Variants in EDA observed in about 807,000 individuals in gnomAD.
EDA encodes the protein ectodysplasin A, also known as ectodysplasin-A.
A neutral mutation model predicts 23.6 loss-of-function variants in EDA; 2 were observed. The ratio of observed to expected loss-of-function variants is 0.08; its 90% CI spans 0.03 to 0.27. The LOEUF (loss-of-function observed/expected upper bound fraction) is 0.27, where lower values mean the gene tolerates loss of function less well. Among genes scored for constraint, EDA ranks in the 10% least tolerant of loss-of-function variants. EDA has a pLI of 1.00. For synonymous variants in EDA, 131 were observed against 132.0 expected, an observed-to-expected ratio of 0.99 and a Z score of 0.05; for missense variants, 229 against 324.2, an observed-to-expected ratio of 0.71 and a Z score of 2.26.
intron 3 of EDA, among the ~76,000 whole-genome samples, chrX:70,025,680 TAA>T (rs1006109131): frequency 8.9e-6 from 1 of 112,322 alleles, no homozygotes; most frequent in Non-Finnish European, 1.9e-5. Context: ...GGGCTCTGAA[TAA>T]GCCTGATTTG....
At chrX:69,768,110 C>T (rs2014523650) in intron 1 of EDA, among the ~76,000 whole-genome samples, 1 of 111,263 alleles carries the variant, frequency 9.0e-6, no homozygotes, top group Non-Finnish European at 1.9e-5. Context: ...GTCACATATA[C>T]GTTCTGTTAA....
At chrX:69,784,563 G>T (rs1156710200) in intron 1 of EDA, among the ~76,000 whole-genome samples, 4 of 101,363 alleles carry the variant, frequency 3.9e-5, no homozygotes, top group African/African-American at 1.4e-4. Flanking sequence ...TTTCCCCATT[G>T]CTTGTTTTTC....
chrX:69,896,162 G>A (rs192508310), intron 1 of EDA, among the ~76,000 whole-genome samples: 3 of 111,012 alleles, frequency 2.7e-5, no homozygotes, highest in Non-Finnish European at 5.7e-5. Flanking sequence ...CTGTGAGCAC[G>A]CATTTCTGAT....
At chrX:70,012,364 G>A (rs934000357) in intron 2 of EDA, among the ~76,000 whole-genome samples, 1 of 112,035 alleles carries the variant, frequency 8.9e-6, no homozygotes, top group African/African-American at 3.2e-5. Flanking sequence ...AGATGCTCGC[G>A]TCTAGTATGG....
intron 1 of EDA, among the ~76,000 whole-genome samples, chrX:69,836,699 G>A (rs1005168657): frequency 2.7e-4 from 30 of 112,410 alleles, no homozygotes; most frequent in African/African-American, 3.9e-4. Flanking sequence ...CAGTTGAGGC[G>A]ATGCCATGCC....
chrX:69,637,141 G>A (rs914249374), intron 1 of EDA, among the ~76,000 whole-genome samples: 7 of 111,764 alleles, frequency 6.3e-5, no homozygotes, highest in Non-Finnish European at 1.1e-4. Context: ...ATGGAGATGG[G>A]AAGAAATACA....
intron 1 of EDA, among the ~76,000 whole-genome samples, chrX:69,794,521 C>T: frequency 8.9e-6 from 1 of 112,256 alleles, no homozygotes; most frequent in Non-Finnish European, 1.9e-5. Flanking sequence ...ACTGATACAA[C>T]ACTATTAACT....
intron 1 of EDA, among the ~76,000 whole-genome samples, chrX:69,649,589 CT>C (rs34800169): frequency 0.042 from 4,182 of 98,473 alleles, 113 homozygotes; most frequent in East Asian, 0.15. Context: ...GAAATACAGT[CT>C]TTTTTTTTTT....
chrX:69,923,121 A>G (rs903985394), intron 1 of EDA, among the ~76,000 whole-genome samples: 4 of 111,701 alleles, frequency 3.6e-5, no homozygotes, highest in Non-Finnish European at 7.5e-5. Flanking sequence ...TAGCGGATAA[A>G]TGATTTCTTT....
intron 1 of EDA, among the ~76,000 whole-genome samples, chrX:69,682,366 T>G (rs1213898525): frequency 8.9e-6 from 1 of 112,677 alleles, no homozygotes; most frequent in East Asian, 2.8e-4. Context: ...GAGCTTCCAG[T>G]CTGCTTTGTT....
intron 1 of EDA, chrX:69,670,388 G>T (rs1933849414): frequency 1.0e-5 from 3 of 296,821 alleles, no homozygotes; most frequent in South Asian, 2.0e-4. Flanking sequence ...GGGCCCCTTT[G>T]GGTAGTAACT....
chrX:69,683,112 A>G (rs1363698847), intron 1 of EDA, among the ~76,000 whole-genome samples: 1 of 111,207 alleles, frequency 9.0e-6, no homozygotes, highest in Non-Finnish European at 1.9e-5. Context: ...AGGTGTTTTG[A>G]GGATTAAAGG....
intron 2 of EDA, among the ~76,000 whole-genome samples, chrX:70,008,061 C>G (rs2019826320): frequency 8.9e-6 from 1 of 111,832 alleles, no homozygotes; most frequent in Non-Finnish European, 1.9e-5. Context: ...AATCTGTGAA[C>G]AAAGACAGTT....
chrX:69,879,401 C>CT (rs1367634830), intron 1 of EDA, among the ~76,000 whole-genome samples: 6 of 111,686 alleles, frequency 5.4e-5, no homozygotes, highest in Non-Finnish European at 9.4e-5. Flanking sequence ...CTCATCACTA[C>CT]TTTATCTGCG....
chrX:70,037,292 G>A lies in EDA; in HGVS notation c.*1683G>A, dbSNP rs1378497870. ...AACCACACTGCTTGGCCCTTCAAGG[G>A]TCAGGGTGAGACGTGATGGGCTAGG... On this transcript the variant is annotated 3_prime_UTR_variant, in exon 8 of 8. Coordinates refer to ENST00000374552, the MANE Select transcript of EDA (RefSeq NM_001399.5). 1.8e-5 allele frequency: 2 copies of A among 111,725 alleles called. No homozygotes were observed. Among genetic ancestry groups the A allele is most frequent in the Non-Finnish European group, 3.8e-5 (2 of 53,120 alleles). 9.2% of individuals were successfully genotyped at this position (111,725 alleles called of 1,213,427 possible).
intron 1 of EDA, among the ~76,000 whole-genome samples, chrX:69,851,157 T>TG (rs1317675460): frequency 9.8e-6 from 1 of 101,899 alleles, no homozygotes; most frequent in Non-Finnish European, 2.0e-5. Flanking sequence ...GATCAAGGGT[T>TG]TGTGTGTGTG....
rs191803177 is a variant in EDA at position 70,021,780 on chromosome X, G to T, written c.503-1438G>T. Among the ~76,000 whole-genome samples, 7 of 111,602 alleles carry T rather than the reference G, an allele frequency of 6.3e-5. No homozygotes were observed. In the East Asian group the frequency reaches 2.0e-3, roughly 32 times the overall value. On this transcript the variant is annotated intron_variant, in intron 2 of 7. Transcript: ENST00000374552. ...CTACTGTTGCACATGAAATTACTTT[G>T]CCAGAAAAGTCTACACAGACATTGG...
intron 1 of EDA, among the ~76,000 whole-genome samples, chrX:69,664,859 C>A (rs1933629128): frequency 1.8e-5 from 2 of 111,818 alleles, no homozygotes; most frequent in African/African-American, 6.5e-5. Flanking sequence ...TATGGTAGTT[C>A]TATTTTTAAT....
At chrX:69,788,102 C>T (rs2015260575) in intron 1 of EDA, among the ~76,000 whole-genome samples, 1 of 111,496 alleles carries the variant, frequency 9.0e-6, no homozygotes, top group African/African-American at 3.3e-5. Flanking sequence ...GAGGCTTCTG[C>T]ATTCTTCACA....
Sources: gnomAD v4.1 joint callset for allele counts (sites outside exome capture counted in the v4.1 genomes callset) on GRCh38, gnomAD v4.1.1 for gene constraint, MANE v1.5 for transcripts, NCBI Gene and HGNC (gene_info 2026-07-23, HGNC 2026-07-21) for gene names.